FMN1: variants seen among roughly 807,000 people sequenced by gnomAD.
FMN1 encodes formin 1, also known as formin-1.
Under a neutral mutation model 132.4 loss-of-function variants are expected in FMN1, and 110 were observed. The ratio of observed to expected loss-of-function variants is 0.83; its 90% confidence interval spans 0.71 to 0.97. The LOEUF is 0.97. Ranked by LOEUF, FMN1 falls within the 50% of genes least tolerant of loss-of-function variation. FMN1 has a pLI of 0.00. For missense variants in FMN1, 1,792 were observed against 1,705.3 expected (o/e 1.05, Z -0.90); for synonymous variants, 722 against 651.7 (o/e 1.11, Z -1.64).
chr15:32,891,482 T>A (rs1293121451), intron 15 of FMN1, among the ~76,000 whole-genome samples: 1 of 152,232 alleles, frequency 6.6e-6, no homozygotes, highest in Non-Finnish European at 1.5e-5. Flanking sequence ...GACCTCTTGA[T>A]CTGCCTCGGC....
At chr15:32,978,153 C>G (rs908259841) in intron 7 of FMN1, among the ~76,000 whole-genome samples, 2 of 152,028 alleles carry the variant, frequency 1.3e-5, no homozygotes, top group African/African-American at 4.8e-5. Flanking sequence ...TGCACCCAGC[C>G]TATTCATTAA....
chr15:32,993,882 T>A (rs2140871663), intron 7 of FMN1, among the ~76,000 whole-genome samples: 1 of 129,682 alleles, frequency 7.7e-6, no homozygotes, highest in East Asian at 2.8e-4. Flanking sequence ...CTCCTCAACT[T>A]GTCCTCTGCA....
intron 5 of FMN1, among the ~76,000 whole-genome samples, chr15:33,069,811 T>C (rs143542823): frequency 6.6e-6 from 1 of 152,222 alleles, no homozygotes; most frequent in African/African-American, 2.4e-5. Flanking sequence ...TTGGGAATTA[T>C]TAACTGAGGC....
intron 16 of FMN1, among the ~76,000 whole-genome samples, chr15:32,879,236 G>GTT (rs397952775): frequency 6.6e-6 from 1 of 152,032 alleles, no homozygotes; most frequent in African/African-American, 2.4e-5. Flanking sequence ...TCATATCAAA[G>GTT]TTTTTTTTAT....
chr15:33,126,890 A>G lies in FMN1; in HGVS notation c.1867+26158T>C, dbSNP rs372495693. ...GATACCCATAAATAACTGTGGCTGTATAACTGCAAAGTGGGATAAACGTTT... is the reference window on the plus strand; with the variant it reads ...GATACCCATAAATAACTGTGGCTGTGTAACTGCAAAGTGGGATAAACGTTT... On this transcript the variant is annotated intron_variant, in intron 4 of 20. Coordinates refer to ENST00000616417, the MANE Select transcript of FMN1 (RefSeq NM_001277313.2). Among the ~76,000 whole-genome samples, 9 of 152,336 alleles carry G rather than the reference A, an allele frequency of 5.9e-5. No homozygotes were observed. The East Asian group carries it at 1.3e-3, about 23-fold the overall frequency.
chr15:33,073,756 G>T (rs2141288192), intron 5 of FMN1, among the ~76,000 whole-genome samples: 1 of 149,522 alleles, frequency 6.7e-6, no homozygotes, highest in Non-Finnish European at 1.5e-5. Context: ...TTTGAGACAG[G>T]GTCTCACTGC....
chr15:32,939,174 T>TA (rs2061346474), intron 9 of FMN1, among the ~76,000 whole-genome samples: 1 of 152,344 alleles, frequency 6.6e-6, no homozygotes, highest in African/African-American at 2.4e-5. Flanking sequence ...GTGATAACAA[T>TA]ACTTCAGGCT....
At chr15:33,022,948 AG>A (rs1333032758) in intron 6 of FMN1, among the ~76,000 whole-genome samples, 2 of 148,428 alleles carry the variant, frequency 1.3e-5, no homozygotes, top group African/African-American at 5.0e-5. Context: ...TGGGTGGCAG[AG>A]GGTGGGAGGA....
chr15:32,858,450 C>A (rs1048231995), intron 16 of FMN1, among the ~76,000 whole-genome samples: 1 of 152,186 alleles, frequency 6.6e-6, no homozygotes, highest in Non-Finnish European at 1.5e-5. Flanking sequence ...TTTTCTGAGT[C>A]AAGGTCAGAA....
At chr15:33,123,891 T>A (rs141471806) in intron 4 of FMN1, among the ~76,000 whole-genome samples, 1 of 152,204 alleles carries the variant, frequency 6.6e-6, no homozygotes, top group Non-Finnish European at 1.5e-5. Flanking sequence ...TCAAATGATA[T>A]AAGGAATCTC....
intron 3 of FMN1, among the ~76,000 whole-genome samples, chr15:33,162,281 G>A (rs1964927326): frequency 6.6e-6 from 1 of 152,140 alleles, no homozygotes. Flanking sequence ...CCAAAGTGCT[G>A]GGATTACAGG....
chr15:32,777,582 T>TAACATATAACACTTTATATATTACGTA, intron 19 of FMN1, among the ~76,000 whole-genome samples: 1 of 146,348 alleles, frequency 6.8e-6, no homozygotes, highest in Non-Finnish European at 1.5e-5. Flanking sequence ...ATATTACGTA[T>TAACATATAACACTTTATATATTACGTA]AACATATAAC....
chr15:33,129,056 C>T (rs764907074), intron 4 of FMN1, among the ~76,000 whole-genome samples: 15 of 152,100 alleles, frequency 9.9e-5, no homozygotes, highest in Non-Finnish European at 1.6e-4. Context: ...ACACAGAGCA[C>T]TGATTGGTGC....
At chr15:32,929,335 A>G (rs2140370164) in intron 9 of FMN1, among the ~76,000 whole-genome samples, 1 of 152,346 alleles carries the variant, frequency 6.6e-6, no homozygotes. Flanking sequence ...GTAGGGACAC[A>G]ATGCGCACAG....
chr15:33,012,250 G>A (rs2034770979), intron 6 of FMN1: 4 of 705,332 alleles, frequency 5.7e-6, no homozygotes, highest in Non-Finnish European at 1.0e-5. Flanking sequence ...CAAGAACTGT[G>A]TGGTAATGAG....
At chr15:33,089,958 C>T (rs1024857725) in intron 4 of FMN1, among the ~76,000 whole-genome samples, 1 of 152,134 alleles carries the variant, frequency 6.6e-6, no homozygotes, top group Non-Finnish European at 1.5e-5. Context: ...GTACAGAAAA[C>T]CTAATTCTAT....
At chr15:32,897,345 A>G (rs1398458133) in intron 15 of FMN1, among the ~76,000 whole-genome samples, 1 of 152,186 alleles carries the variant, frequency 6.6e-6, no homozygotes, top group East Asian at 1.9e-4. Flanking sequence ...AAAGGTCTGT[A>G]CTTGTCTGGT....
At chr15:33,017,782 G>A (rs993428626) in intron 6 of FMN1, among the ~76,000 whole-genome samples, 1 of 152,158 alleles carries the variant, frequency 6.6e-6, no homozygotes, top group Non-Finnish European at 1.5e-5. Flanking sequence ...TCCATATGAT[G>A]GGCTGGGTGC....
Position 32,926,237 on chromosome 15 carries a change from G to C in FMN1, c.3163C>G (p.Arg1055Gly). 1 of 1,505,210 alleles carries C rather than the reference G, an allele frequency of 6.6e-7. No homozygotes were observed. The highest frequency in any genetic ancestry group is 9.0e-7 in the Non-Finnish European group (1 of 1,113,816). 93.2% of individuals were successfully genotyped at this position (1,505,210 alleles called of 1,614,324 possible). A position where few individuals can be genotyped will look rare whatever the true frequency, so the allele number is the denominator to read the frequency against. The change falls in exon 10 of 21, where the codon CGA becomes GGA. Residue 1055 changes from arginine to glycine, a missense_variant. This residue lies in a region of FMN1 where 1,150 missense variants were observed against 1,043.1 expected (regional missense o/e 1.10). Transcript: ENST00000616417. Reference sequence around the variant, plus strand: ...ATCAAGATTCCCACAGTTTGAGATCGTTTTCCATCCAACAATTTGATGATC... The same window carrying C: ...ATCAAGATTCCCACAGTTTGAGATCCTTTTCCATCCAACAATTTGATGATC... Reference protein sequence around the residue: ...KKIIKLLDGKRSQTVGILISS... With the variant: ...KKIIKLLDGKGSQTVGILISS...
Sources: gnomAD v4.1 joint callset for allele counts (sites outside exome capture counted in the v4.1 genomes callset) on GRCh38, gnomAD v4.1.1 for gene constraint, gnomAD v4.1.1 regional missense constraint, MANE v1.5 for transcripts, NCBI Gene and HGNC (gene_info 2026-07-23, HGNC 2026-07-21) for gene names.